The following ABI1 variants were observed in gnomAD, a reference collection of about 807,000 sequenced individuals.
The protein encoded by ABI1 is abl interactor 1, also known as Abelson interactor 1.
ABI1 carries 14 observed loss-of-function variants against 54.6 expected under a neutral mutation model. That is an observed-to-expected ratio of 0.26 (90% CI 0.17 to 0.40). The LOEUF is 0.40. Ranked by LOEUF, ABI1 falls within the 10% of genes least tolerant of loss-of-function variation. The pLI, the probability that ABI1 is intolerant of heterozygous loss-of-function variation, is 1.00. For synonymous variants in ABI1, 194 were observed against 209.3 expected, an observed-to-expected ratio of 0.93 and a Z score of 0.63; for missense variants, 443 against 598.3, an observed-to-expected ratio of 0.74 and a Z score of 2.71.
At chr10:26,765,341 T>C (rs1839807626) in intron 6 of ABI1, 23 bp from the exon 7 acceptor site, 1 of 1,519,922 alleles carries the variant, frequency 6.6e-7, no homozygotes, top group Non-Finnish European at 8.9e-7. Context: ...AAAAAAACTG[T>C]GAAAAACCAA....
At chr10:26,823,083 G>A (rs2048088951) in intron 2 of ABI1, 55 bp downstream of exon 2, 1 of 1,440,428 alleles carries the variant, frequency 6.9e-7, no homozygotes, top group Non-Finnish European at 9.4e-7. Flanking sequence ...TTACTTCTTT[G>A]GCATATGCTG....
chr10:26,792,448 C>T (rs1843592828), intron 2 of ABI1, among the ~76,000 whole-genome samples: 1 of 152,018 alleles, frequency 6.6e-6, no homozygotes, highest in Non-Finnish European at 1.5e-5. Flanking sequence ...CAGGGGACAG[C>T]ATAAGCCAGG....
At chr10:26,815,291 A>C (rs1013357726) in intron 2 of ABI1, among the ~76,000 whole-genome samples, 7 of 152,176 alleles carry the variant, frequency 4.6e-5, no homozygotes, top group Non-Finnish European at 8.8e-5. Context: ...AATTTACAGA[A>C]TTACAAAAGC....
At chr10:26,822,412 T>C (rs1167685278) in intron 2 of ABI1, among the ~76,000 whole-genome samples, 1 of 152,158 alleles carries the variant, frequency 6.6e-6, no homozygotes, top group African/African-American at 2.4e-5. Flanking sequence ...AAGATTTGCA[T>C]ACAAATGTTT....
chr10:26,790,442 T>C (rs1004526341), intron 2 of ABI1: 8 of 152,188 alleles, frequency 5.3e-5, no homozygotes, highest in African/African-American at 1.9e-4. Flanking sequence ...TTCTGAGAAG[T>C]GTCTGTTCTC....
chr10:26,750,178 CT>C (rs1837432873), intron 10 of ABI1, among the ~76,000 whole-genome samples: 1 of 152,200 alleles, frequency 6.6e-6, no homozygotes. Flanking sequence ...TCAAGACTTT[CT>C]TAACAATATG....
Position 26,748,600 on chromosome 10 carries a change from A to G in ABI1, c.1416T>C (p.Tyr472=), listed in dbSNP as rs748620918. 5.0e-6 allele frequency: 8 copies of G among 1,613,328 alleles called. No homozygotes were observed. The Admixed American group carries it at 1.3e-4, about 27-fold the overall frequency. The change falls in exon 11 of 11, where the codon TAT becomes TAC. Residue 472 remains tyrosine (Y), a synonymous_variant. Transcript: ENST00000376140. ...NRVTGLFPGN[Y]VESIMHYTD ...CAGTATAGTGCATGATTGATTCAAC[A>G]TAGTTCCCAGGGAACAGACCAGTCA...
In ABI1 at chr10:26,860,759, G is replaced by A. The variant is rs1237803433; in HGVS notation, c.105C>T (p.Asn35=). Residue 35 remains asparagine (N), a synonymous_variant, in exon 1 of 11, where the codon AAC becomes AAT. Transcript: ENST00000376140. This position sits in a 1 kb window ranked among gnomAD's most constrained non-coding sequence, Gnocchi z 4.1. ...CAGAGCGCCTCACCTGTATGTAGTTGTTTTCACAGTAGTCTGCCACCCGAG... is the reference window on the plus strand; with the variant it reads ...CAGAGCGCCTCACCTGTATGTAGTTATTTTCACAGTAGTCTGCCACCCGAG... ...NLTRVADYCE[N]NYIQATDKRK... 1 of 1,613,946 alleles carries A rather than the reference G, an allele frequency of 6.2e-7. No homozygotes were observed.
At chr10:26,845,848 T>A (rs753657276) in intron 1 of ABI1, among the ~76,000 whole-genome samples, 1 of 151,700 alleles carries the variant, frequency 6.6e-6, no homozygotes, top group Non-Finnish European at 1.5e-5. Flanking sequence ...GCACTGAAGA[T>A]TTTAGAAAAA....
chr10:26,825,210 T>G (rs1377315330), intron 1 of ABI1, among the ~76,000 whole-genome samples: 1 of 152,200 alleles, frequency 6.6e-6, no homozygotes, highest in African/African-American at 2.4e-5. Flanking sequence ...CATTTTACCC[T>G]CAGTAGAACT....
chr10:26,822,547 C>T (rs1381388209), intron 2 of ABI1, among the ~76,000 whole-genome samples: 1 of 151,504 alleles, frequency 6.6e-6, no homozygotes, highest in East Asian at 1.9e-4. Flanking sequence ...CTTTTACATG[C>T]AAAAACATGA....
chr10:26,841,755 G>A (rs1472411498), intron 1 of ABI1, among the ~76,000 whole-genome samples: 1 of 151,914 alleles, frequency 6.6e-6, no homozygotes, highest in Non-Finnish European at 1.5e-5. Context: ...CCATGTTGTG[G>A]CAAATGGCAG....
chr10:26,773,215 C>CTTTTTTTTTTTTTTTTTTTTTTTTTTTTT lies in ABI1; in HGVS notation c.463-2127_463-2126insAAAAAAAAAAAAAAAAAAAAAAAAAAAAA, dbSNP rs58739177. ...AGGCACTAAATGTCTAATGCTAATT[C>CTTTTTTTTTTTTTTTTTTTTTTTTTTTTT]TTTTTTTTTTTTTGCTGGCTCTGTT... is the stretch of plus-strand genomic sequence containing the variant. On this transcript the variant is annotated intron_variant, in intron 3 of 10. Transcript: ENST00000376140. 2.9e-3 allele frequency among the ~76,000 whole-genome samples: 267 copies of CTTTTTTTTTTTTTTTTTTTTTTTTTTTTT among 92,412 alleles called. 56 individuals are homozygous for CTTTTTTTTTTTTTTTTTTTTTTTTTTTTT. The highest frequency in any genetic ancestry group is 6.4e-3 in the East Asian group (14 of 2,198). The allele number at this position is 92,412 out of a possible 152,430, so 60.6% of individuals were successfully genotyped here.
intron 2 of ABI1, among the ~76,000 whole-genome samples, chr10:26,822,579 C>A (rs2048050230): frequency 1.3e-5 from 2 of 151,484 alleles, no homozygotes; most frequent in African/African-American, 2.4e-5. Context: ...AATAATTATC[C>A]ATAGTAAAAC....
intron 2 of ABI1, among the ~76,000 whole-genome samples, chr10:26,808,756 G>A (rs1265961687): frequency 2.6e-5 from 4 of 151,894 alleles, no homozygotes; most frequent in Admixed American, 6.6e-5. Flanking sequence ...CTGGGAGATG[G>A]AACAGTCTGG....
At chr10:26,774,510 T>C (rs1841132809) in intron 3 of ABI1, among the ~76,000 whole-genome samples, 1 of 152,210 alleles carries the variant, frequency 6.6e-6, no homozygotes, top group Non-Finnish European at 1.5e-5. Context: ...GAATAGGTTC[T>C]GGTAGTTTCT....
intron 7 of ABI1, among the ~76,000 whole-genome samples, chr10:26,762,851 A>G (rs1389060348): frequency 6.6e-6 from 1 of 152,190 alleles, no homozygotes; most frequent in African/African-American, 2.4e-5. Flanking sequence ...AATCTAGGGT[A>G]GGTACATGTT....
chr10:26,749,382 G>A (rs1192359282), intron 10 of ABI1, among the ~76,000 whole-genome samples: 1 of 152,126 alleles, frequency 6.6e-6, no homozygotes, highest in Non-Finnish European at 1.5e-5. Context: ...TTTGGATTTG[G>A]GATTTTCAGA....
intron 7 of ABI1, chr10:26,763,844 G>T: frequency 6.4e-7 from 1 of 1,558,704 alleles, no homozygotes; most frequent in Non-Finnish European, 8.8e-7. Flanking sequence ...ATTATGTAAA[G>T]TGAGTTCAAT....
Sources: gnomAD v4.1 joint callset for allele counts (sites outside exome capture counted in the v4.1 genomes callset) on GRCh38, gnomAD v4.1.1 for gene constraint, Gnocchi (gnomAD v3.1) non-coding constraint, MANE v1.5 for transcripts, NCBI Gene and HGNC (gene_info 2026-07-23, HGNC 2026-07-21) for gene names.